The following RIPOR3 variants were observed in gnomAD, a reference collection of about 807,000 sequenced individuals.
RIPOR3 encodes the protein RIPOR family member 3.
In RIPOR3, 95 loss-of-function variants were observed where a neutral mutation model predicts 114.3. The observed-to-expected ratio is 0.83, with a 90% CI of 0.70 to 0.99. The LOEUF (loss-of-function observed/expected upper bound fraction) is 0.99. Ranked by LOEUF, RIPOR3 falls within the 50% of genes least tolerant of loss-of-function variation. RIPOR3 has a pLI of 0.00. For missense variants in RIPOR3, 1,252 were observed against 1,266.9 expected (o/e 0.99, Z 0.18); for synonymous variants, 575 against 543.8 (o/e 1.06, Z -0.80).
At chr20:50,592,630 T>A in intron 18 of RIPOR3, 84 bp from the exon 19 acceptor site, 1 of 1,229,152 alleles carries the variant, frequency 8.1e-7, no homozygotes, top group Non-Finnish European at 1.1e-6. Context: ...CTGCTGCCAG[T>A]AGCCACAGAG....
At chr20:50,614,764 C>CACTTT (rs1310734173) in intron 4 of RIPOR3, 3 of 168,674 alleles carry the variant, frequency 1.8e-5, no homozygotes, top group Non-Finnish European at 4.4e-5. Context: ...TCTGAAAAAC[C>CACTTT]AATTTAATGG....
chr20:50,598,526 C>T (rs2083382237), intron 13 of RIPOR3, among the ~76,000 whole-genome samples: 2 of 151,940 alleles, frequency 1.3e-5, no homozygotes, highest in African/African-American at 2.4e-5. Flanking sequence ...ATCTTGAGGA[C>T]GAAGGGAATA....
intron 1 of RIPOR3, among the ~76,000 whole-genome samples, chr20:50,634,716 T>A (rs1027443307): frequency 6.6e-6 from 1 of 152,186 alleles, no homozygotes; most frequent in African/African-American, 2.4e-5. Flanking sequence ...AAGGCAAAGA[T>A]GGACAAATGT....
At chr20:50,596,090 A>T (rs556905789) in intron 15 of RIPOR3, 50 bp downstream of exon 15, 1 of 1,609,568 alleles carries the variant, frequency 6.2e-7, no homozygotes, top group Non-Finnish European at 8.5e-7. Context: ...TGCAAAGAGG[A>T]CTCCAAACCC....
intron 8 of RIPOR3, 70 bp from the exon 9 acceptor site, chr20:50,609,025 C>T: frequency 6.5e-7 from 1 of 1,543,120 alleles, no homozygotes; most frequent in Non-Finnish European, 8.8e-7. Context: ...CAGGTCCTCT[C>T]TGGGGTTCCC....
At chr20:50,670,025 C>T (rs1190502892) in intron 1 of RIPOR3, among the ~76,000 whole-genome samples, 2 of 47,570 alleles carry the variant, frequency 4.2e-5, no homozygotes, top group Non-Finnish European at 1.3e-4. Flanking sequence ...GGCGTGGTGG[C>T]AGGCGCCTGT....
At chr20:50,605,123 G>T (rs1254192083) in intron 11 of RIPOR3, among the ~76,000 whole-genome samples, 4 of 152,094 alleles carry the variant, frequency 2.6e-5, no homozygotes, top group Admixed American at 1.3e-4. Context: ...TGTAAAGACA[G>T]CGTCTTGCCA....
chr20:50,671,010 C>T (rs2086459490), intron 1 of RIPOR3, among the ~76,000 whole-genome samples: 1 of 152,192 alleles, frequency 6.6e-6, no homozygotes, highest in Non-Finnish European at 1.5e-5. Flanking sequence ...TCACTGCAAC[C>T]TCCACCTCCC....
chr20:50,622,471 C>T (rs899143719), intron 2 of RIPOR3, among the ~76,000 whole-genome samples: 3 of 152,178 alleles, frequency 2.0e-5, no homozygotes, highest in East Asian at 3.9e-4. Context: ...TGTGAGCCAC[C>T]GTGCCTGGCT....
intron 20 of RIPOR3, 86 bp downstream of exon 20, chr20:50,589,600 T>C (rs1008774667): frequency 2.1e-6 from 3 of 1,399,772 alleles, no homozygotes; most frequent in South Asian, 1.2e-5. Flanking sequence ...CCAGCCCCAG[T>C]GGAATCATTT....
rs6126047 is a variant in RIPOR3, at chr20:50,596,140, C to T, written c.1914G>A (p.Gln638=). 1 of 1,614,176 alleles carries T rather than the reference C, an allele frequency of 6.2e-7. No individual in the cohort carries two copies. Among genetic ancestry groups the T allele is most frequent in the Non-Finnish European group, 8.5e-7 (1 of 1,180,028 alleles). ...CTGACAAGTCCCCTAGCCCAGCCACCTGCAGCAGAGCTTTGCAGACTTGGA... is the reference window on the plus strand; with the variant it reads ...CTGACAAGTCCCCTAGCCCAGCCACTTGCAGCAGAGCTTTGCAGACTTGGA... The part of the protein sequence containing the change: ...VHLQVCKALL[Q]KLASPNLSRL... Residue 638 remains glutamine, a splice_region_variant and synonymous_variant, in exon 15 of 22, where the codon CAG becomes CAA. Transcript: ENST00000327979.
chr20:50,608,535 C>A lies in RIPOR3; in HGVS notation c.811-1G>T. 1 of 1,613,786 alleles carries A rather than the reference C, an allele frequency of 6.2e-7. No individual in the cohort carries two copies. The highest frequency in any genetic ancestry group is 8.5e-7 in the Non-Finnish European group (1 of 1,179,886). On this transcript the variant is annotated splice_acceptor_variant, in intron 10 of 21. Coordinates refer to ENST00000327979, the MANE Select transcript of RIPOR3 (RefSeq NM_001290268.2). LOFTEE classifies it high-confidence loss of function. ...AGCCCAGGCCCCGCAACTCCGTCAC[C>A]TGGGGGTGGGGGCTGGAGGGTGGTG...
At chr20:50,689,904 A>G (rs2087151860) in intron 1 of RIPOR3, among the ~76,000 whole-genome samples, 1 of 152,228 alleles carries the variant, frequency 6.6e-6, no homozygotes, top group Admixed American at 6.5e-5. Flanking sequence ...AAAAGGCCAC[A>G]TCTGGGTGCT....
intron 1 of RIPOR3, among the ~76,000 whole-genome samples, chr20:50,632,412 T>C (rs1352336115): frequency 6.6e-6 from 1 of 152,080 alleles, no homozygotes; most frequent in Non-Finnish European, 1.5e-5. Flanking sequence ...TCTGTGCAAT[T>C]GGCTAAGACC....
At chr20:50,661,776 G>A (rs1249645951) in intron 1 of RIPOR3, among the ~76,000 whole-genome samples, 1 of 152,184 alleles carries the variant, frequency 6.6e-6, no homozygotes, top group Non-Finnish European at 1.5e-5. Flanking sequence ...GGGGAAGCTG[G>A]CCTGGGGCAG....
rs555658314 is a variant in RIPOR3 at position 50,647,290 on chromosome 20, A to T, written c.4-16434T>A. Among the ~76,000 whole-genome samples the T allele has an allele frequency of 9.9e-5, 15 of 152,198 alleles. No individual in the cohort carries two copies. In the South Asian group the frequency reaches 2.5e-3, roughly 25 times the overall value. On this transcript the variant is annotated intron_variant, in intron 1 of 21. Transcript: ENST00000327979. ...AGCCAGGATCGCATCACTGTACTCC[A>T]GCCTAGGCGACAAGAGCGAAACTCC... is the stretch of plus-strand genomic sequence containing the variant.
chr20:50,609,588 C>CAGG lies in RIPOR3; in HGVS notation c.558_560dup (p.Leu187dup). On this transcript the variant is annotated inframe_insertion, in exon 7 of 22. Transcript: ENST00000327979. ...CCCGGCCCACCTCGGCGCACTCGTGCAGGCTGCGGCCCAGCTCCTGCAGGC... is the reference window on the plus strand; with the variant it reads ...CCCGGCCCACCTCGGCGCACTCGTGCAGGAGGCTGCGGCCCAGCTCCTGCAGGC... 1 of 1,421,654 alleles carries CAGG rather than the reference C, an allele frequency of 7.0e-7. No homozygotes were observed. Among genetic ancestry groups the CAGG allele is most frequent in the Non-Finnish European group, 9.2e-7 (1 of 1,091,592 alleles). 88.1% of individuals were successfully genotyped at this position (1,421,654 alleles called of 1,614,324 possible). A position where few individuals can be genotyped will look rare whatever the true frequency, so the allele number is the denominator to read the frequency against.
intron 14 of RIPOR3, chr20:50,597,331 G>A: frequency 1.9e-6 from 1 of 522,258 alleles, no homozygotes; most frequent in Non-Finnish European, 3.4e-6. Flanking sequence ...CTAAAAGCTG[G>A]TTCCTTGGAG....
In RIPOR3 at chr20:50,596,215, C is replaced by T. The variant is rs1419590551; in HGVS notation, c.1839G>A (p.Arg613=). The change falls in exon 15 of 22, where the codon AGG becomes AGA. Residue 613 remains arginine, a synonymous_variant. Transcript: ENST00000327979. ...PPPSSLKASS[R]ELTAGAPELD... Reference sequence around the variant, plus strand: ...GCTCTGGGGCACCGGCTGTGAGTTCCCTGGATGACGCTTTCAGTGATGACG... The same window carrying T: ...GCTCTGGGGCACCGGCTGTGAGTTCTCTGGATGACGCTTTCAGTGATGACG... 1 of 1,614,186 alleles carries T rather than the reference C, an allele frequency of 6.2e-7. No homozygotes were observed.
Sources: allele counts gnomAD v4.1 joint callset (sites outside exome capture counted in the v4.1 genomes callset), GRCh38; gene constraint gnomAD v4.1.1; transcripts MANE v1.5; gene names NCBI Gene and HGNC (gene_info 2026-07-23, HGNC 2026-07-21).